Variants in PUS7 observed in about 807,000 individuals in gnomAD.
PUS7 encodes the protein pseudouridine synthase 7.
In PUS7, 48 loss-of-function variants were observed where a neutral mutation model predicts 79.8. That is an observed-to-expected ratio of 0.60 (90% confidence interval 0.48 to 0.76). PUS7 has a LOEUF of 0.76. Ranked by LOEUF, PUS7 falls within the 30% of genes least tolerant of loss-of-function variation. PUS7 has a pLI of 0.00. For synonymous variants in PUS7, 286 were observed against 272.2 expected (o/e 1.05, Z -0.50); for missense variants, 729 against 797.6 (o/e 0.91, Z 1.04).
intron 10 of PUS7, among the ~76,000 whole-genome samples, chr7:105,471,207 T>C (rs1417847197): frequency 2.6e-5 from 4 of 152,226 alleles, no homozygotes. Context: ...TTTTATCTTT[T>C]TATAGTCTGC....
intron 12 of PUS7, among the ~76,000 whole-genome samples, chr7:105,468,042 T>C (rs1160782147): frequency 2.0e-5 from 3 of 151,646 alleles, no homozygotes; most frequent in Non-Finnish European, 4.4e-5. Context: ...AAGCGATTCT[T>C]CTGCCTCAGC....
intron 4 of PUS7, among the ~76,000 whole-genome samples, chr7:105,504,070 C>CTTT (rs11455671): frequency 0.041 from 5,554 of 136,760 alleles, 184 homozygotes; most frequent in South Asian, 0.11. Flanking sequence ...CTTGATGACA[C>CTTT]TTTTTTTTTT....
At chr7:105,514,822 C>T (rs13234701) in intron 1 of PUS7, among the ~76,000 whole-genome samples, 2 of 148,838 alleles carry the variant, frequency 1.3e-5, no homozygotes, top group South Asian at 2.1e-4. Flanking sequence ...GACGGAGTCT[C>T]GCTTTGTGCC....
chr7:105,503,357 T>A (rs1214911446), intron 4 of PUS7, among the ~76,000 whole-genome samples: 1 of 152,180 alleles, frequency 6.6e-6, no homozygotes, highest in Non-Finnish European at 1.5e-5. Flanking sequence ...CAATCCAACC[T>A]ACAGCTGCTT....
intron 8 of PUS7, among the ~76,000 whole-genome samples, chr7:105,481,393 G>A (rs1407923309): frequency 3.9e-5 from 6 of 152,062 alleles, no homozygotes; most frequent in African/African-American, 7.2e-5. Flanking sequence ...GCAATTTGGC[G>A]GTATTAACCC....
chr7:105,464,430 G>C (rs1823555559), intron 13 of PUS7, among the ~76,000 whole-genome samples: 2 of 152,190 alleles, frequency 1.3e-5, no homozygotes, highest in Admixed American at 1.3e-4. Context: ...GAGTTGGTGG[G>C]CAGAGTGGGG....
chr7:105,469,404 C>T (rs1191939217), intron 11 of PUS7, among the ~76,000 whole-genome samples: 2 of 152,182 alleles, frequency 1.3e-5, no homozygotes, highest in East Asian at 1.9e-4. Context: ...GATTCTCCCA[C>T]CTCAGCCTTC....
intron 12 of PUS7, 139 bp from the exon 13 acceptor site, chr7:105,465,553 C>A (rs760471359): frequency 1.6e-4 from 103 of 659,824 alleles, no homozygotes; most frequent in Admixed American, 2.4e-4. Context: ...TTAAATTATG[C>A]CAGGTGCGGT....
At chr7:105,466,759 T>G (rs1823658481) in intron 12 of PUS7, among the ~76,000 whole-genome samples, 2 of 148,734 alleles carry the variant, frequency 1.3e-5, no homozygotes, top group East Asian at 3.9e-4. Flanking sequence ...AAAAAAAAAG[T>G]TAAAAAAAAA....
rs1456642762 is a variant in PUS7 at position 105,470,796 on chromosome 7, G to A, written c.1290C>T (p.Asp430=). The stretch of plus-strand genomic sequence containing the variant: ...GTAGTTTTCTGAGGGCAGCAGTTGG[G>A]TCTTTGGTCTTTGCCCATTCTTCTC... ...KCREEWAKTK[D]PTAALRKLPV... Residue 430 remains aspartate, a synonymous_variant, in exon 11 of 16, where the codon GAC becomes GAT. Coordinates refer to ENST00000469408, the MANE Select transcript of PUS7 (RefSeq NM_019042.5). 1 of 1,611,464 alleles carries A rather than the reference G, an allele frequency of 6.2e-7. No individual in the cohort carries two copies. Among genetic ancestry groups the A allele is most frequent in the Non-Finnish European group, 8.5e-7 (1 of 1,177,934 alleles).
intron 4 of PUS7, among the ~76,000 whole-genome samples, chr7:105,503,087 C>T (rs1425440825): frequency 6.6e-6 from 1 of 152,198 alleles, no homozygotes; most frequent in Non-Finnish European, 1.5e-5. Context: ...GTACAAAGCA[C>T]TGTGGTCATC....
intron 5 of PUS7, among the ~76,000 whole-genome samples, chr7:105,497,263 T>C (rs1233586166): frequency 6.6e-6 from 1 of 152,176 alleles, no homozygotes; most frequent in African/African-American, 2.4e-5. Flanking sequence ...TCTGTACCCA[T>C]GAGATGAAGC....
At chr7:105,472,027 C>A in intron 10 of PUS7, 105 bp downstream of exon 10, 14 of 640,370 alleles carry the variant, frequency 2.2e-5, no homozygotes, top group Admixed American at 3.3e-5. Flanking sequence ...AAATAAAATA[C>A]TGAAACAACA....
At chr7:105,460,131 C>A (rs990405009) in intron 14 of PUS7, among the ~76,000 whole-genome samples, 1 of 151,856 alleles carries the variant, frequency 6.6e-6, no homozygotes, top group African/African-American at 2.4e-5. Flanking sequence ...GTAGAGATGG[C>A]GTTTCACCGT....
intron 5 of PUS7, among the ~76,000 whole-genome samples, chr7:105,496,074 T>A (rs531453766): frequency 6.6e-6 from 1 of 151,266 alleles, no homozygotes; most frequent in Non-Finnish European, 1.5e-5. Context: ...GCAAGAGAAT[T>A]GCTTGAACCC....
intron 6 of PUS7, among the ~76,000 whole-genome samples, chr7:105,492,479 C>A (rs1406361971): frequency 6.7e-6 from 1 of 150,024 alleles, no homozygotes; most frequent in African/African-American, 2.5e-5. Context: ...CATGCACCAC[C>A]ACATCTGGCT....
chr7:105,473,511 C>T (rs75297219), intron 9 of PUS7, among the ~76,000 whole-genome samples: 5 of 151,858 alleles, frequency 3.3e-5, no homozygotes, highest in Non-Finnish European at 1.5e-5. Context: ...TTCTGCCTGC[C>T]GGGTCCAAGC....
intron 15 of PUS7, 48 bp from the exon 16 acceptor site, chr7:105,457,974 C>G (rs550320105): frequency 6.3e-7 from 1 of 1,595,004 alleles, no homozygotes; most frequent in Admixed American, 1.8e-5. Flanking sequence ...CAGCTGCAGA[C>G]AGACCAGCGA....
intron 4 of PUS7, among the ~76,000 whole-genome samples, chr7:105,504,277 G>A (rs1180364130): frequency 6.6e-6 from 1 of 151,194 alleles, no homozygotes; most frequent in East Asian, 2.0e-4. Flanking sequence ...CTCCATGTTG[G>A]TCAGGCTGGT....
Sources: gnomAD v4.1 joint callset for allele counts (sites outside exome capture counted in the v4.1 genomes callset) on GRCh38, gnomAD v4.1.1 for gene constraint, MANE v1.5 for transcripts, NCBI Gene and HGNC (gene_info 2026-07-23, HGNC 2026-07-21) for gene names.